Variants in ADAM17 observed in about 807,000 individuals in gnomAD.
ADAM17 encodes the protein ADAM metallopeptidase domain 17.
ADAM17 carries 39 observed loss-of-function variants against 96.7 expected under a neutral mutation model. That is an observed-to-expected ratio of 0.40 (90% CI 0.31 to 0.53). The LOEUF (loss-of-function observed/expected upper bound fraction) is 0.53, where lower values mean the gene tolerates loss of function less well. Ranked by LOEUF, ADAM17 falls within the 20% of genes least tolerant of loss-of-function variation. The pLI, the probability that ADAM17 is intolerant of heterozygous loss-of-function variation, is 0.44. For missense variants in ADAM17, 777 were observed against 1,013.2 expected, an observed-to-expected ratio of 0.77 and a Z score of 3.17; for synonymous variants, 344 against 359.2, an observed-to-expected ratio of 0.96 and a Z score of 0.48.
At chr2:9,533,657 C>T (rs796289987) in intron 4 of ADAM17, among the ~76,000 whole-genome samples, 5 of 152,330 alleles carry the variant, frequency 3.3e-5, no homozygotes, top group African/African-American at 9.6e-5. Flanking sequence ...GCTCAAATTA[C>T]GACTATCTTT....
At position 9,517,927 on chromosome 2, in the gene ADAM17, T is replaced by G; in HGVS notation, c.1165A>C (p.Asn389His). The G allele has an allele frequency of 6.2e-7, 1 of 1,603,182 alleles. No individual in the cohort carries two copies. Among genetic ancestry groups the G allele is most frequent in the Non-Finnish European group, 8.5e-7 (1 of 1,176,120 alleles). Residue 389 changes from asparagine (N) to histidine (H), a missense_variant, in exon 10 of 19, where the codon AAT becomes CAT. Physicochemically the swap from Asn to His is moderately conservative, Grantham distance 68. Around this residue, in one of 3 missense-constraint regions of ADAM17, gnomAD observed 446 missense variants for 664.7 expected, o/e 0.67. Transcript: ENST00000310823. ...YLNSGLTSTK[N>H]YGKTILTKEA... The stretch of plus-strand genomic sequence containing the variant: ...TTTGTAAGGATGGTTTTACCATAAT[T>G]CTTTGTGCTCGTCAAACCACTATTC...
At position 9,526,136 on chromosome 2, in the gene ADAM17, TC is replaced by T; in HGVS notation, c.727del (p.Glu243LysfsTer9). ...TAAGTAATTTGTAGTTGTACTCTCT[TC>T]CCCTCTGCCCATGTATCTGTAGAAG... ...HRFYRYMGRG[E>X]ESTTTNYLIE... On this transcript the variant is annotated frameshift_variant, in exon 6 of 19. Transcript: ENST00000310823. LOFTEE classifies it high-confidence loss of function. 1 of 1,612,182 alleles carries T rather than the reference TC, an allele frequency of 6.2e-7. No individual in the cohort carries two copies. The highest frequency in any genetic ancestry group is 8.5e-7 in the Non-Finnish European group (1 of 1,179,358).
At chr2:9,550,843 A>C (rs987216054) in intron 1 of ADAM17, among the ~76,000 whole-genome samples, 7 of 148,526 alleles carry the variant, frequency 4.7e-5, no homozygotes, top group African/African-American at 1.7e-4. Context: ...GGATCACCAG[A>C]GGTCAGGAGT....
chr2:9,492,269 G>T lies in ADAM17; in HGVS notation c.2082+629C>A, dbSNP rs145421763. Among the ~76,000 whole-genome samples the T allele has an allele frequency of 3.0e-3, 453 of 152,352 alleles. 2 individuals carry two copies. Among genetic ancestry groups the T allele is most frequent in the African/African-American group, 0.011 (440 of 41,578 alleles). ...AAATCCCCATTCCCCACAGATGCAA[G>T]TGAATGGATTCGTAAGAACATTTAT... is the stretch of plus-strand genomic sequence containing the variant. On this transcript the variant is annotated intron_variant, in intron 17 of 18. Coordinates refer to ENST00000310823, the MANE Select transcript of ADAM17 (RefSeq NM_003183.6).
chr2:9,522,244 C>T, intron 7 of ADAM17: 1 of 395,106 alleles, frequency 2.5e-6, no homozygotes, highest in Non-Finnish European at 4.5e-6. Context: ...TAAAAGTGTA[C>T]TGCATAGCAC....
intron 4 of ADAM17, among the ~76,000 whole-genome samples, chr2:9,532,638 ATTTTTTTTTTT>A (rs70948827): frequency 8.8e-6 from 1 of 114,284 alleles, no homozygotes; most frequent in South Asian, 2.8e-4. Context: ...TGCCCAGCTA[ATTTTTTTTTTT>A]TTTTTTTTTT....
At chr2:9,514,523 AT>A (rs1663936328) in intron 10 of ADAM17, among the ~76,000 whole-genome samples, 72 of 4,698 alleles carry the variant, frequency 0.015, 1 homozygote, top group African/African-American at 0.069. Context: ...ATATAAATAT[AT>A]ATATATATAT....
intron 10 of ADAM17, among the ~76,000 whole-genome samples, chr2:9,517,193 C>A (rs995171533): frequency 4.6e-5 from 7 of 152,084 alleles, no homozygotes; most frequent in Non-Finnish European, 7.4e-5. Context: ...GACAAATAAA[C>A]CCCTTATTTA....
chr2:9,520,754 G>A (rs934408846), intron 8 of ADAM17, among the ~76,000 whole-genome samples: 15 of 151,830 alleles, frequency 9.9e-5, no homozygotes, highest in African/African-American at 2.4e-4. Flanking sequence ...ATCTGAGGTC[G>A]GGAGTTCAAG....
chr2:9,513,893 C>A (rs1663880706), intron 10 of ADAM17, among the ~76,000 whole-genome samples: 1 of 151,468 alleles, frequency 6.6e-6, no homozygotes, highest in Admixed American at 6.6e-5. Flanking sequence ...TGCCTGTAAT[C>A]CCAGCTGCTC....
At chr2:9,514,368 GA>G (rs1663918402) in intron 10 of ADAM17, among the ~76,000 whole-genome samples, 2 of 78,182 alleles carry the variant, frequency 2.6e-5, no homozygotes, top group East Asian at 6.4e-4. Context: ...GGGGTGGGGG[GA>G]GGGGGAAGGG....
intron 10 of ADAM17, chr2:9,512,305 TG>T (rs1663790091): frequency 6.6e-6 from 1 of 152,138 alleles, no homozygotes; most frequent in Non-Finnish European, 1.5e-5. Context: ...TTTTTTGCTG[TG>T]TTTTTTTAAG....
chr2:9,490,167 G>T lies in ADAM17; in HGVS notation c.*10C>A, dbSNP rs763335447. ...TTTGCACACTTAAGTCAGAAGAGCT[G>T]AGAACTAAATTAGCACTCTGTTTCT... On this transcript the variant is annotated 3_prime_UTR_variant, in exon 19 of 19. Coordinates refer to ENST00000310823, the MANE Select transcript of ADAM17 (RefSeq NM_003183.6). 1.3e-6 allele frequency: 2 copies of T among 1,582,326 alleles called. No individual in the cohort carries two copies. The highest frequency in any genetic ancestry group is 1.7e-6 in the Non-Finnish European group (2 of 1,156,454).
At chr2:9,502,058 G>A (rs996173310) in intron 13 of ADAM17, 115 bp downstream of exon 13, 173 of 920,416 alleles carry the variant, frequency 1.9e-4, no homozygotes, top group African/African-American at 1.7e-3. Context: ...AACTCAACCC[G>A]GCATATGAGA....
chr2:9,537,791 C>G (rs776785079), intron 2 of ADAM17, among the ~76,000 whole-genome samples: 5 of 150,588 alleles, frequency 3.3e-5, no homozygotes, highest in Non-Finnish European at 7.4e-5. Context: ...AAAAAGTAAC[C>G]CACAATTACA....
rs1386981823 is a variant in ADAM17 at position 9,489,248 on chromosome 2, G to A, written c.*929C>T. Reference sequence around the variant, plus strand: ...TTTGTATTTTAAATATTCTAGGTTTGTAGATAGTGAATTTTTTTTTTTTTT... The same window carrying A: ...TTTGTATTTTAAATATTCTAGGTTTATAGATAGTGAATTTTTTTTTTTTTT... On this transcript the variant is annotated 3_prime_UTR_variant, in exon 19 of 19. Transcript: ENST00000310823. The A allele has an allele frequency of 7.6e-6, 1 of 132,268 alleles. No individual in the cohort carries two copies. Among genetic ancestry groups the A allele is most frequent in the Non-Finnish European group, 1.5e-5 (1 of 66,014 alleles). The allele number at this position is 132,268 out of a possible 1,614,324, so 8.2% of individuals were successfully genotyped here. A position where few individuals can be genotyped will look rare whatever the true frequency, so the allele number is the denominator to read the frequency against.
chr2:9,494,809 ACCTGC>A, intron 14 of ADAM17, 42 bp from the exon 15 acceptor site: 3 of 1,603,578 alleles, frequency 1.9e-6, no homozygotes, highest in Non-Finnish European at 2.6e-6. Flanking sequence ...TTGTTCTGAG[ACCTGC>A]CTCTCCTCCT....
intron 1 of ADAM17, among the ~76,000 whole-genome samples, chr2:9,554,761 C>T (rs1665689948): frequency 6.6e-6 from 1 of 152,182 alleles, no homozygotes; most frequent in Non-Finnish European, 1.5e-5. Flanking sequence ...AATCCAATCT[C>T]TCTGGAAAAT....
At chr2:9,502,408 A>C in intron 12 of ADAM17, 132 bp from the exon 13 acceptor site, 2 of 692,762 alleles carry the variant, frequency 2.9e-6, no homozygotes, top group East Asian at 2.6e-5. Flanking sequence ...CCACTCCTAC[A>C]TCATCAGACA....
Sources: allele counts gnomAD v4.1 joint callset (sites outside exome capture counted in the v4.1 genomes callset), GRCh38; gene constraint gnomAD v4.1.1; regional missense constraint gnomAD v4.1.1; transcripts MANE v1.5; gene names NCBI Gene and HGNC (gene_info 2026-07-23, HGNC 2026-07-21).